Variants in NPSR1 observed in about 807,000 individuals in gnomAD.
The protein encoded by NPSR1 is neuropeptide S receptor 1.
In NPSR1, 48 loss-of-function variants were observed where a neutral mutation model predicts 46.9. That is an observed-to-expected ratio of 1.02 (90% CI 0.81 to 1.30). The LOEUF (loss-of-function observed/expected upper bound fraction) is 1.30, where lower values mean the gene tolerates loss of function less well. NPSR1 is among the 50% of genes most tolerant of loss of function. NPSR1 has a pLI of 0.00. For missense variants in NPSR1, 450 were observed against 449.5 expected, an observed-to-expected ratio of 1.00 and a Z score of -0.01; for synonymous variants, 176 against 168.1, an observed-to-expected ratio of 1.05 and a Z score of -0.36.
intron 2 of NPSR1, among the ~76,000 whole-genome samples, chr7:34,713,223 T>C (rs1161500602): frequency 6.6e-6 from 1 of 152,202 alleles, no homozygotes; most frequent in Non-Finnish European, 1.5e-5. Context: ...AGAATACAAC[T>C]GTGAATTAAA....
At chr7:34,691,229 T>C (rs1793233783) in intron 2 of NPSR1, among the ~76,000 whole-genome samples, 2 of 151,506 alleles carry the variant, frequency 1.3e-5, no homozygotes, top group South Asian at 4.2e-4. Flanking sequence ...CTCAAAGGAG[T>C]TCTAAACATG....
At chr7:34,692,113 C>T (rs1024048236) in intron 2 of NPSR1, among the ~76,000 whole-genome samples, 3 of 151,876 alleles carry the variant, frequency 2.0e-5, no homozygotes, top group Non-Finnish European at 4.4e-5. Flanking sequence ...AAGAGTGAGA[C>T]CCTGTCTCCT....
At chr7:34,745,544 A>C (rs2023487) in intron 2 of NPSR1, among the ~76,000 whole-genome samples, 1 of 151,936 alleles carries the variant, frequency 6.6e-6, no homozygotes, top group East Asian at 1.9e-4. Flanking sequence ...TTAGAGATAG[A>C]GTTTTGCTCT....
At chr7:34,803,501 G>T (rs889802243) in intron 3 of NPSR1, among the ~76,000 whole-genome samples, 4 of 152,008 alleles carry the variant, frequency 2.6e-5, no homozygotes, top group Non-Finnish European at 5.9e-5. Flanking sequence ...CGCACTCATA[G>T]GTGGGAATTG....
intron 3 of NPSR1, among the ~76,000 whole-genome samples, chr7:34,781,138 T>C (rs553074698): frequency 2.6e-5 from 4 of 152,252 alleles, no homozygotes; most frequent in Admixed American, 2.0e-4. Flanking sequence ...TGAGGCTTTG[T>C]GCAAGCAGGA....
downstream of NPSR1, among the ~76,000 whole-genome samples, chr7:34,854,660 A>G (rs1014785189): frequency 1.3e-5 from 2 of 152,248 alleles, no homozygotes; most frequent in African/African-American, 4.8e-5. Flanking sequence ...CTCAAAATAT[A>G]TACTTTTAAA....
At chr7:34,864,432 C>T (rs557816676) in intron 8 of NPSR1, among the ~76,000 whole-genome samples, 28 of 150,914 alleles carry the variant, frequency 1.9e-4, no homozygotes, top group Non-Finnish European at 3.4e-4. Context: ...ACAAGATGTT[C>T]CAAATTTGAA....
At chr7:34,682,743 G>A (rs769164813) in intron 1 of NPSR1, among the ~76,000 whole-genome samples, 6 of 152,096 alleles carry the variant, frequency 3.9e-5, no homozygotes, top group East Asian at 3.9e-4. Context: ...CACTCAGTAC[G>A]GTCCTTTGCA....
At chr7:34,669,146 A>G (rs1408054521) in intron 1 of NPSR1, among the ~76,000 whole-genome samples, 1 of 152,248 alleles carries the variant, frequency 6.6e-6, no homozygotes, top group Non-Finnish European at 1.5e-5. Context: ...ACAGAACTCT[A>G]ATTATGAGAG....
At chr7:34,835,087 A>G (rs1200856746) in intron 6 of NPSR1, among the ~76,000 whole-genome samples, 1 of 152,222 alleles carries the variant, frequency 6.6e-6, no homozygotes, top group East Asian at 1.9e-4. Flanking sequence ...CCAGGAAAAC[A>G]TTACTGGACC....
chr7:34,876,723 G>A (rs1470153922), intron 8 of NPSR1, among the ~76,000 whole-genome samples: 5 of 152,234 alleles, frequency 3.3e-5, no homozygotes, highest in Non-Finnish European at 7.3e-5. Context: ...GGAGGTCCGA[G>A]AAGGACCTAG....
chr7:34,792,123 A>C (rs1391421982), intron 3 of NPSR1, among the ~76,000 whole-genome samples: 1 of 152,078 alleles, frequency 6.6e-6, no homozygotes, highest in African/African-American at 2.4e-5. Context: ...CTAGATAAAA[A>C]CAGGGGAAAT....
intron 2 of NPSR1, among the ~76,000 whole-genome samples, chr7:34,775,700 T>A (rs1786923778): frequency 6.6e-6 from 1 of 152,174 alleles, no homozygotes; most frequent in Non-Finnish European, 1.5e-5. Context: ...CATTGATATT[T>A]TGTATTGTTT....
At position 34,778,636 on chromosome 7, in the gene NPSR1, A is replaced by T. The variant is rs34426426; in HGVS notation, c.384+71A>T. The T allele has an allele frequency of 2.5e-3, 2,427 of 984,614 alleles. 53 individuals carry two copies. The African/African-American group carries it at 0.036, about 15-fold the overall frequency. 61.0% of individuals were successfully genotyped at this position (984,614 alleles called of 1,614,324 possible). ...TTAGCTTTTAGATTTATCTAAGGAA[A>T]ATCATATAAAACCTTGCATTCCTAT... On this transcript the variant is annotated intron_variant, in intron 3 of 8. Coordinates refer to ENST00000360581, the MANE Select transcript of NPSR1 (RefSeq NM_207172.2).
intron 2 of NPSR1, among the ~76,000 whole-genome samples, chr7:34,731,346 C>T (rs1784408618): frequency 6.6e-6 from 1 of 151,718 alleles, no homozygotes. Context: ...TTTAATTTTG[C>T]CAAAAACTAA....
intron 3 of NPSR1, among the ~76,000 whole-genome samples, chr7:34,786,782 A>G (rs1406915374): frequency 6.6e-6 from 1 of 152,122 alleles, no homozygotes; most frequent in Non-Finnish European, 1.5e-5. Context: ...ATGAGCAGTG[A>G]TATTTGGAAA....
intron 2 of NPSR1, among the ~76,000 whole-genome samples, chr7:34,713,911 T>C (rs751732195): frequency 3.9e-5 from 6 of 152,260 alleles, no homozygotes; most frequent in Non-Finnish European, 8.8e-5. Flanking sequence ...TGAACATGTG[T>C]CCTTGTTCTG....
At chr7:34,672,755 A>G (rs1403792230) in intron 1 of NPSR1, among the ~76,000 whole-genome samples, 1 of 152,154 alleles carries the variant, frequency 6.6e-6, no homozygotes. Flanking sequence ...GTCACTTGTA[A>G]TCATGGTGTT....
At chr7:34,803,086 T>C (rs1263081946) in intron 3 of NPSR1, among the ~76,000 whole-genome samples, 1 of 150,362 alleles carries the variant, frequency 6.7e-6, no homozygotes, top group East Asian at 1.9e-4. Context: ...GGAGAGGATG[T>C]GGAGAAATAG....
Sources: allele counts gnomAD v4.1 joint callset (sites outside exome capture counted in the v4.1 genomes callset), GRCh38; gene constraint gnomAD v4.1.1; transcripts MANE v1.5; gene names NCBI Gene and HGNC (gene_info 2026-07-23, HGNC 2026-07-21).